The following PLCB1 variants were observed in gnomAD, a reference collection of about 807,000 sequenced individuals.
The protein encoded by PLCB1 is 1-phosphatidylinositol 4,5-bisphosphate phosphodiesterase beta-1.
Under a neutral mutation model 161.8 loss-of-function variants are expected in PLCB1, and 46 were observed. The ratio of observed to expected loss-of-function variants is 0.28; its 90% CI spans 0.22 to 0.36. The LOEUF (loss-of-function observed/expected upper bound fraction) is 0.36, where lower values mean the gene tolerates loss of function less well. Among genes scored for constraint, PLCB1 ranks in the 10% least tolerant of loss-of-function variants. The probability of loss-of-function intolerance (pLI) is 1.00; values close to 1 mark genes in which losing one functional copy is unlikely to be tolerated. For synonymous variants in PLCB1, 517 were observed against 503.7 expected, an observed-to-expected ratio of 1.03 and a Z score of -0.35; for missense variants, 1,016 against 1,472.5, an observed-to-expected ratio of 0.69 and a Z score of 5.07.
intron 4 of PLCB1, among the ~76,000 whole-genome samples, chr20:8,642,852 A>G (rs1989000476): frequency 6.6e-6 from 1 of 152,214 alleles, no homozygotes; most frequent in African/African-American, 2.4e-5. Context: ...GCCCTCAGTT[A>G]TAGATACTTT....
At position 8,371,444 on chromosome 20, in the gene PLCB1, T is replaced by A; in HGVS notation, c.240T>A (p.Ala80=). ...CCAGATGTGGGAGACACGCCAAAGC[T>A]CCCAAGGTAGGAGGTTGAGTGTTGT... ...KDARCGRHAK[A]PKDPKLRELL... The change falls in exon 3 of 32, where the codon GCT becomes GCA. Residue 80 remains alanine (A), a synonymous_variant. Coordinates refer to ENST00000338037, the MANE Select transcript of PLCB1 (RefSeq NM_015192.4). 1 of 1,612,134 alleles carries A rather than the reference T, an allele frequency of 6.2e-7. No homozygotes were observed. Among genetic ancestry groups the A allele is most frequent in the Non-Finnish European group, 8.5e-7 (1 of 1,178,404 alleles).
intron 31 of PLCB1, among the ~76,000 whole-genome samples, chr20:8,810,892 C>G (rs748631617): frequency 6.6e-6 from 1 of 152,162 alleles, no homozygotes; most frequent in Admixed American, 6.5e-5. Context: ...CTTGAACCTG[C>G]GAGGTCAAGG....
intron 3 of PLCB1, among the ~76,000 whole-genome samples, chr20:8,583,501 C>G (rs1018464545): frequency 6.6e-6 from 1 of 152,136 alleles, no homozygotes; most frequent in Non-Finnish European, 1.5e-5. Context: ...CACAGTCAGC[C>G]CAGGAGAATT....
chr20:8,321,943 G>T (rs1984939917), intron 2 of PLCB1, among the ~76,000 whole-genome samples: 1 of 152,098 alleles, frequency 6.6e-6, no homozygotes, highest in Non-Finnish European at 1.5e-5. Context: ...TCAGTTACAT[G>T]CTGGGCATGC....
chr20:8,336,506 G>T lies in PLCB1; in HGVS notation c.178-34876G>T, dbSNP rs183692779. On this transcript the variant is annotated intron_variant, in intron 2 of 31. Transcript: ENST00000338037. ...TGAGTACAATAGCATAGGCCAGCAGGTCTCCACATTTAGTATTCATGCACA... is the reference window on the plus strand; with the variant it reads ...TGAGTACAATAGCATAGGCCAGCAGTTCTCCACATTTAGTATTCATGCACA... 1.4e-4 allele frequency among the ~76,000 whole-genome samples: 22 copies of T among 152,216 alleles called. No individual in the cohort carries two copies. The East Asian group carries it at 4.1e-3, about 28-fold the overall frequency.
chr20:8,701,563 T>C (rs1478997259), intron 11 of PLCB1, among the ~76,000 whole-genome samples: 2 of 152,222 alleles, frequency 1.3e-5, no homozygotes, highest in East Asian at 3.8e-4. Context: ...GCACTTATCA[T>C]ATCACCTTCC....
intron 2 of PLCB1, among the ~76,000 whole-genome samples, chr20:8,370,822 A>C (rs6055774): frequency 0.067 from 10,145 of 152,230 alleles, 1,118 homozygotes; most frequent in African/African-American, 0.23. Flanking sequence ...CATATCTTCT[A>C]TGCCTTATTC....
chr20:8,366,722 T>C (rs1370545260), intron 2 of PLCB1, among the ~76,000 whole-genome samples: 5 of 152,128 alleles, frequency 3.3e-5, no homozygotes, highest in Non-Finnish European at 7.4e-5. Context: ...CTCCAAGCTT[T>C]GCAGGGTGTC....
At chr20:8,769,353 A>G (rs1982548359) in intron 26 of PLCB1, among the ~76,000 whole-genome samples, 1 of 151,896 alleles carries the variant, frequency 6.6e-6, no homozygotes, top group Admixed American at 6.5e-5. Flanking sequence ...TTCAAAAGCA[A>G]AAGTATCCCT....
At chr20:8,444,473 A>G (rs1215779990) in intron 3 of PLCB1, among the ~76,000 whole-genome samples, 1 of 152,174 alleles carries the variant, frequency 6.6e-6, no homozygotes. Context: ...GTTGGTTCCA[A>G]GTCTTTGCAA....
intron 31 of PLCB1, among the ~76,000 whole-genome samples, chr20:8,804,324 A>G (rs1362725784): frequency 6.6e-6 from 1 of 152,210 alleles, no homozygotes; most frequent in African/African-American, 2.4e-5. Flanking sequence ...ATGTCAACTG[A>G]GATACCCACT....
chr20:8,627,710 A>C (rs1988396703), intron 3 of PLCB1, among the ~76,000 whole-genome samples: 1 of 152,228 alleles, frequency 6.6e-6, no homozygotes, highest in African/African-American at 2.4e-5. Flanking sequence ...CTCTAAAAAG[A>C]CTGCAGAAGT....
Position 8,484,267 on chromosome 20 carries a change from T to C in PLCB1, c.246+112817T>C, listed in dbSNP as rs573444213. 2.0e-5 allele frequency among the ~76,000 whole-genome samples: 3 copies of C among 151,910 alleles called. No individual in the cohort carries two copies. In the East Asian group the frequency reaches 5.8e-4, roughly 30 times the overall value. ...CTCGAACTCCCAACCTCAAGTGATCTGCCCACCTTGGCCTCCCAAAGTGCT... is the reference window on the plus strand; with the variant it reads ...CTCGAACTCCCAACCTCAAGTGATCCGCCCACCTTGGCCTCCCAAAGTGCT... On this transcript the variant is annotated intron_variant, in intron 3 of 31. Transcript: ENST00000338037.
At chr20:8,507,200 C>T (rs1403114450) in intron 3 of PLCB1, among the ~76,000 whole-genome samples, 1 of 152,144 alleles carries the variant, frequency 6.6e-6, no homozygotes, top group Non-Finnish European at 1.5e-5. Flanking sequence ...TGTTTGTCAT[C>T]ACGTTGAGTA....
At chr20:8,643,544 G>C (rs367841113) in intron 4 of PLCB1, among the ~76,000 whole-genome samples, 1 of 151,852 alleles carries the variant, frequency 6.6e-6, no homozygotes, top group Non-Finnish European at 1.5e-5. Context: ...GCGTATTATC[G>C]GTGCCTTAAG....
At chr20:8,532,673 G>T (rs141217951) in intron 3 of PLCB1, among the ~76,000 whole-genome samples, 1 of 152,106 alleles carries the variant, frequency 6.6e-6, no homozygotes, top group Admixed American at 6.5e-5. Flanking sequence ...AGATAATCCC[G>T]GTTACACTTC....
intron 4 of PLCB1, 139 bp from the exon 5 acceptor site, chr20:8,645,963 G>T: frequency 1.8e-6 from 1 of 565,514 alleles, no homozygotes; most frequent in Non-Finnish European, 3.2e-6. Context: ...CCCAAAAAAG[G>T]GATAATAATA....
chr20:8,629,912 CCTTT>C (rs1988505383), intron 4 of PLCB1, among the ~76,000 whole-genome samples: 1 of 132,802 alleles, frequency 7.5e-6, no homozygotes, highest in African/African-American at 2.8e-5. Context: ...CTTTCTCTTT[CCTTT>C]CTTTCCTCTC....
chr20:8,880,009 C>T (rs983113845), intron 31 of PLCB1, among the ~76,000 whole-genome samples: 4 of 152,026 alleles, frequency 2.6e-5, no homozygotes, highest in African/African-American at 9.7e-5. Context: ...TATTGAGAAA[C>T]GCAGGAGCTC....
Sources: gnomAD v4.1 joint callset for allele counts (sites outside exome capture counted in the v4.1 genomes callset) on GRCh38, gnomAD v4.1.1 for gene constraint, MANE v1.5 for transcripts, NCBI Gene and HGNC (gene_info 2026-07-23, HGNC 2026-07-21) for gene names.